The following KCNT2 variants were observed in gnomAD, a reference collection of about 807,000 sequenced individuals.
The protein encoded by KCNT2 is potassium channel subfamily T member 2.
A neutral mutation model predicts 153.8 loss-of-function variants in KCNT2; 67 were observed. The ratio of observed to expected loss-of-function variants is 0.44; its 90% CI spans 0.36 to 0.53. The LOEUF is 0.53. Ranked by LOEUF, KCNT2 falls within the 20% of genes least tolerant of loss-of-function variation. The pLI is 0.00. For missense variants in KCNT2, 975 were observed against 1,354.8 expected, an observed-to-expected ratio of 0.72 and a Z score of 4.40; for synonymous variants, 500 against 458.8, an observed-to-expected ratio of 1.09 and a Z score of -1.15.
chr1:196,401,637 A>C (rs950301600), intron 12 of KCNT2, among the ~76,000 whole-genome samples: 2 of 151,686 alleles, frequency 1.3e-5, no homozygotes, highest in Non-Finnish European at 2.9e-5. Flanking sequence ...AATTTACCCA[A>C]TTTGAAAAAC....
intron 8 of KCNT2, among the ~76,000 whole-genome samples, chr1:196,451,500 C>T (rs1676199512): frequency 7.2e-6 from 1 of 139,108 alleles, no homozygotes; most frequent in South Asian, 2.3e-4. Flanking sequence ...TTCTGCTTGC[C>T]TTGACCTCCC....
intron 25 of KCNT2, among the ~76,000 whole-genome samples, chr1:196,269,920 C>A (rs991201849): frequency 2.0e-5 from 3 of 151,992 alleles, no homozygotes; most frequent in African/African-American, 4.8e-5. Context: ...TTGTGGTGTT[C>A]AGAAATTTAT....
At chr1:196,549,931 A>C (rs918861589) in intron 1 of KCNT2, among the ~76,000 whole-genome samples, 2 of 151,884 alleles carry the variant, frequency 1.3e-5, no homozygotes, top group Non-Finnish European at 2.9e-5. Flanking sequence ...TAGGCTGAGA[A>C]AGAAACAGAG....
chr1:196,306,594 A>G (rs1171117177), intron 21 of KCNT2, among the ~76,000 whole-genome samples: 1 of 152,118 alleles, frequency 6.6e-6, no homozygotes, highest in Non-Finnish European at 1.5e-5. Flanking sequence ...GCTCTGCAGC[A>G]AGCAGGGCCT....
chr1:196,358,607 T>C (rs2148258471), intron 14 of KCNT2, among the ~76,000 whole-genome samples: 1 of 152,106 alleles, frequency 6.6e-6, no homozygotes, highest in Middle Eastern at 3.4e-3. Flanking sequence ...CTTTTTAATG[T>C]ACTTTGTTTT....
At chr1:196,525,937 T>C (rs184681065) in intron 1 of KCNT2, among the ~76,000 whole-genome samples, 4 of 151,998 alleles carry the variant, frequency 2.6e-5, no homozygotes, top group Non-Finnish European at 4.4e-5. Flanking sequence ...GGTTTAGAAG[T>C]AGTAGTTTAG....
At chr1:196,260,088 TAG>T (rs1656868378) in intron 25 of KCNT2, among the ~76,000 whole-genome samples, 1 of 151,664 alleles carries the variant, frequency 6.6e-6, no homozygotes, top group Non-Finnish European at 1.5e-5. Context: ...CAGTCATATT[TAG>T]AGACTTGCTT....
intron 14 of KCNT2, among the ~76,000 whole-genome samples, chr1:196,353,377 T>C (rs1666911490): frequency 6.6e-6 from 1 of 151,924 alleles, no homozygotes; most frequent in African/African-American, 2.4e-5. Context: ...TCTCTTTTTA[T>C]AGAAGGGTAA....
At position 196,525,382 on chromosome 1, in the gene KCNT2, G is replaced by A. The variant is rs554500223; in HGVS notation, c.96-33041C>T. Among the ~76,000 whole-genome samples, 12 of 151,882 alleles carry A rather than the reference G, an allele frequency of 7.9e-5. 1 individual carries two copies. Among genetic ancestry groups the A allele is most frequent in the East Asian group, 5.8e-4 (3 of 5,186 alleles). On this transcript the variant is annotated intron_variant, in intron 1 of 27. Transcript: ENST00000294725. ...TTTTGTATTTTTATGCTTTTTGTTCGTAATTTCCCTGTTTAATAGCTCTTA... is the reference window on the plus strand; with the variant it reads ...TTTTGTATTTTTATGCTTTTTGTTCATAATTTCCCTGTTTAATAGCTCTTA...
intron 8 of KCNT2, among the ~76,000 whole-genome samples, chr1:196,460,833 G>T (rs56848958): frequency 0.017 from 2,601 of 151,620 alleles, 76 homozygotes; most frequent in African/African-American, 0.059. Flanking sequence ...TTTGCATTTT[G>T]TATTAAATTT....
Position 196,561,413 on chromosome 1 carries a change from G to A in KCNT2, c.95+46802C>T, listed in dbSNP as rs548945952. On this transcript the variant is annotated intron_variant, in intron 1 of 27. Transcript: ENST00000294725. Reference sequence around the variant, plus strand: ...AGGGTGGGAGTGATAAAGAAGAGAAGTATATGTATTTATGATATCTCATAT... The same window carrying A: ...AGGGTGGGAGTGATAAAGAAGAGAAATATATGTATTTATGATATCTCATAT... Among the ~76,000 whole-genome samples the A allele has an allele frequency of 5.4e-4, 81 of 151,334 alleles. 1 individual carries two copies. Among genetic ancestry groups the A allele is most frequent in the African/African-American group, 1.9e-3 (78 of 41,396 alleles).
At chr1:196,516,443 C>T (rs1351420696) in intron 1 of KCNT2, among the ~76,000 whole-genome samples, 1 of 151,868 alleles carries the variant, frequency 6.6e-6, no homozygotes, top group African/African-American at 2.4e-5. Context: ...TCTACAACAC[C>T]CCTGCTGGTG....
intron 14 of KCNT2, among the ~76,000 whole-genome samples, chr1:196,369,641 C>G (rs1161405119): frequency 6.6e-6 from 1 of 152,160 alleles, no homozygotes; most frequent in Non-Finnish European, 1.5e-5. Context: ...CATGTCCCTA[C>G]AAAGGACATG....
chr1:196,566,193 C>T (rs767995450), intron 1 of KCNT2, among the ~76,000 whole-genome samples: 34 of 151,916 alleles, frequency 2.2e-4, no homozygotes, highest in Non-Finnish European at 4.1e-4. Flanking sequence ...GAGAGTGAGA[C>T]TATTTCTGGG....
intron 13 of KCNT2, among the ~76,000 whole-genome samples, chr1:196,390,812 AATG>A (rs1350990405): frequency 6.6e-6 from 1 of 151,034 alleles, no homozygotes; most frequent in Non-Finnish European, 1.5e-5. Context: ...GATTTGAGGT[AATG>A]ATAGTTTTAA....
Position 196,594,204 on chromosome 1 carries a change from C to A in KCNT2, c.95+14011G>T, listed in dbSNP as rs984581855. Among the ~76,000 whole-genome samples the A allele has an allele frequency of 4.6e-5, 7 of 152,256 alleles. No individual in the cohort carries two copies. In the East Asian group the frequency reaches 1.2e-3, roughly 25 times the overall value. Reference sequence around the variant, plus strand: ...GAATTCACTTTAACAGTCATTTGAACTGTCACAGTATGAATTATGGACTGA... The same window carrying A: ...GAATTCACTTTAACAGTCATTTGAAATGTCACAGTATGAATTATGGACTGA... On this transcript the variant is annotated intron_variant, in intron 1 of 27. Coordinates refer to ENST00000294725, the MANE Select transcript of KCNT2 (RefSeq NM_198503.5).
intron 2 of KCNT2, among the ~76,000 whole-genome samples, chr1:196,490,782 G>A (rs781483356): frequency 6.6e-6 from 1 of 151,720 alleles, no homozygotes; most frequent in Non-Finnish European, 1.5e-5. Context: ...TGATTAATAT[G>A]AGCATTATCT....
At chr1:196,397,315 T>A (rs147464459) in intron 13 of KCNT2, among the ~76,000 whole-genome samples, 45 of 151,618 alleles carry the variant, frequency 3.0e-4, no homozygotes, top group African/African-American at 1.1e-3. Context: ...GATAGCCTAG[T>A]TACAAAGGTC....
At chr1:196,411,098 CT>C (rs1320694065) in intron 12 of KCNT2, among the ~76,000 whole-genome samples, 2 of 126,070 alleles carry the variant, frequency 1.6e-5, no homozygotes, top group South Asian at 5.9e-4. Context: ...TCCTTCCTTC[CT>C]TCCTTCCTTC....
Sources: allele counts gnomAD v4.1 joint callset (sites outside exome capture counted in the v4.1 genomes callset), GRCh38; gene constraint gnomAD v4.1.1; transcripts MANE v1.5; gene names NCBI Gene and HGNC (gene_info 2026-07-23, HGNC 2026-07-21).